Variants in CAPS2 observed in about 807,000 individuals in gnomAD.
CAPS2 encodes calcyphosine 2.
Under a neutral mutation model 86.5 loss-of-function variants are expected in CAPS2, and 98 were observed. The ratio of observed to expected loss-of-function variants is 1.13; its 90% confidence interval spans 0.96 to 1.34. The LOEUF is 1.34. Among genes scored for constraint, CAPS2 ranks in the 40% most tolerant of loss-of-function variants. CAPS2 has a pLI of 0.00. For synonymous variants in CAPS2, 210 were observed against 225.1 expected (o/e 0.93, Z 0.60); for missense variants, 729 against 686.8 (o/e 1.06, Z -0.69).
intron 1 of CAPS2, among the ~76,000 whole-genome samples, chr12:75,381,199 G>A (rs1183900598): frequency 5.9e-5 from 9 of 152,202 alleles, no homozygotes; most frequent in African/African-American, 2.2e-4. Flanking sequence ...AGATCTGATG[G>A]GTTTATCAAG....
exon 7 of CAPS2, chr12:75,312,884 A>G (rs760236202): frequency 1.9e-6 from 3 of 1,607,960 alleles, no homozygotes; most frequent in Non-Finnish European, 2.6e-6. Flanking sequence ...CTCTGCAACA[A>G]TCTGTTTCTT....
At chr12:75,332,529 G>A (rs564844783), upstream of CAPS2, among the ~76,000 whole-genome samples, 1 of 152,010 alleles carries the variant, frequency 6.6e-6, no homozygotes, top group African/African-American at 2.4e-5. Context: ...AGCTTACCCA[G>A]CATTTCCTTT....
chr12:75,373,545 G>A (rs2044487222), intron 1 of CAPS2: 1 of 152,184 alleles, frequency 6.6e-6, no homozygotes, highest in African/African-American at 2.4e-5. Flanking sequence ...TCCAAGCAAA[G>A]TGTACAGCCA....
intron 8 of CAPS2, among the ~76,000 whole-genome samples, chr12:75,303,286 T>C (rs1486865757): frequency 2.0e-5 from 3 of 152,208 alleles, no homozygotes; most frequent in African/African-American, 7.2e-5. Context: ...ATGTTGTACA[T>C]CTTATATACA....
chr12:75,366,314 T>C (rs148777089), intron 1 of CAPS2, among the ~76,000 whole-genome samples: 72 of 152,262 alleles, frequency 4.7e-4, no homozygotes, highest in Non-Finnish European at 7.2e-4. Flanking sequence ...AGGAAGAAGA[T>C]TGGATCTAAA....
At chr12:75,361,640 G>A (rs2043600286) in intron 1 of CAPS2, among the ~76,000 whole-genome samples, 1 of 152,192 alleles carries the variant, frequency 6.6e-6, no homozygotes, top group Non-Finnish European at 1.5e-5. Flanking sequence ...CATGACAGAA[G>A]GTGAAGGGGA....
At chr12:75,348,107 T>G (rs1442238619) in intron 1 of CAPS2, among the ~76,000 whole-genome samples, 1 of 152,152 alleles carries the variant, frequency 6.6e-6, no homozygotes, top group African/African-American at 2.4e-5. Flanking sequence ...AAGAACATAC[T>G]TTTAAGAAAA....
chr12:75,383,764 A>C (rs963949553), intron 1 of CAPS2, among the ~76,000 whole-genome samples: 1 of 152,198 alleles, frequency 6.6e-6, no homozygotes, highest in Non-Finnish European at 1.5e-5. Flanking sequence ...TACCAAAATA[A>C]ACTATATTCT....
At chr12:75,336,406 G>T (rs1375613737) in intron 1 of CAPS2, among the ~76,000 whole-genome samples, 1 of 151,708 alleles carries the variant, frequency 6.6e-6, no homozygotes, top group African/African-American at 2.4e-5. Flanking sequence ...AAGATTATCA[G>T]ATTGGATTAA....
intron 7 of CAPS2, chr12:75,305,688 C>A: frequency 1.5e-6 from 1 of 659,766 alleles, no homozygotes. Flanking sequence ...TCTGGCCCGG[C>A]ACAGCTGCTG....
At chr12:75,377,524 C>A (rs990411959) in intron 1 of CAPS2, among the ~76,000 whole-genome samples, 12 of 152,186 alleles carry the variant, frequency 7.9e-5, no homozygotes, top group African/African-American at 2.9e-4. Flanking sequence ...TGGTAAACCA[C>A]TGGTGTAAAT....
At chr12:75,291,684 A>G in intron 13 of CAPS2, 60 bp downstream of exon 13, 2 of 754,730 alleles carry the variant, frequency 2.6e-6, no homozygotes, top group Non-Finnish European at 4.0e-6. Context: ...ATGCTGTTTT[A>G]CTGATTATAA....
At chr12:75,312,529 A>G (rs560604736) in intron 7 of CAPS2, among the ~76,000 whole-genome samples, 73 of 152,346 alleles carry the variant, frequency 4.8e-4, no homozygotes, top group African/African-American at 1.6e-3. Flanking sequence ...ACAGATCCTT[A>G]GTAAGAATAA....
intron 11 of CAPS2, 106 bp downstream of exon 11, chr12:75,298,581 G>C (rs2037285561): frequency 2.5e-6 from 2 of 804,308 alleles, no homozygotes; most frequent in South Asian, 3.2e-5. Context: ...CAGGATGCAG[G>C]AGAGGAAATA....
intron 1 of CAPS2, chr12:75,369,358 C>A (rs2044204044): frequency 1.0e-5 from 2 of 199,590 alleles, no homozygotes; most frequent in Non-Finnish European, 1.8e-5. Context: ...TTTCTCTCCT[C>A]ATTTTTCCAC....
exon 17 of CAPS2, chr12:75,277,641 T>C: frequency 2.0e-6 from 2 of 984,756 alleles, no homozygotes; most frequent in Non-Finnish European, 2.4e-6. Flanking sequence ...AGTGCAACTT[T>C]GAATTTGTTG....
intron 1 of CAPS2, among the ~76,000 whole-genome samples, chr12:75,384,139 A>C (rs1443410118): frequency 6.6e-6 from 1 of 152,296 alleles, no homozygotes; most frequent in East Asian, 1.9e-4. Flanking sequence ...AACCCAAAGT[A>C]AGCAGAAGAA....
chr12:75,386,197 G>T (rs927369987), intron 1 of CAPS2, among the ~76,000 whole-genome samples: 14 of 152,120 alleles, frequency 9.2e-5, no homozygotes, highest in African/African-American at 3.1e-4. Context: ...ACCCTGAACA[G>T]CCAATACATT....
chr12:75,310,063 A>G (rs904435070), intron 7 of CAPS2, among the ~76,000 whole-genome samples: 1 of 152,210 alleles, frequency 6.6e-6, no homozygotes, highest in African/African-American at 2.4e-5. Context: ...CCTATTCAAC[A>G]AGTTTTACTA....
Sources: allele counts gnomAD v4.1 joint callset (sites outside exome capture counted in the v4.1 genomes callset), GRCh38; gene constraint gnomAD v4.1.1; transcripts MANE v1.5; gene names NCBI Gene and HGNC (gene_info 2026-07-23, HGNC 2026-07-21).